Variants in FRMD4B observed in about 807,000 individuals in gnomAD.
FRMD4B encodes the protein FERM domain-containing protein 4B.
Under a neutral mutation model 141.5 loss-of-function variants are expected in FRMD4B, and 74 were observed. The ratio of observed to expected loss-of-function variants is 0.52; its 90% CI spans 0.43 to 0.63. The LOEUF is 0.63. FRMD4B is among the 30% of genes least tolerant of loss of function. The pLI, the probability that FRMD4B is intolerant of heterozygous loss-of-function variation, is 0.00. For missense variants in FRMD4B, 1,366 were observed against 1,253.4 expected (o/e 1.09, Z -1.36); for synonymous variants, 506 against 467.9 (o/e 1.08, Z -1.05).
At chr3:69,392,522 C>G (rs918194051) in intron 2 of FRMD4B, among the ~76,000 whole-genome samples, 1 of 152,110 alleles carries the variant, frequency 6.6e-6, no homozygotes, top group Non-Finnish European at 1.5e-5. Flanking sequence ...GTTGGGGGAC[C>G]AGAAAAGCCC....
At chr3:69,337,119 T>C (rs1322896020) in intron 1 of FRMD4B, among the ~76,000 whole-genome samples, 3 of 151,844 alleles carry the variant, frequency 2.0e-5, no homozygotes, top group Non-Finnish European at 2.9e-5. Flanking sequence ...TATAGACAAA[T>C]GGAACAGAAC....
intron 22 of FRMD4B, among the ~76,000 whole-genome samples, chr3:69,173,403 A>G (rs773584617): frequency 3.9e-5 from 6 of 152,186 alleles, no homozygotes; most frequent in Non-Finnish European, 7.4e-5. Flanking sequence ...TAAATAATAT[A>G]CACTTTATTT....
intron 1 of FRMD4B, among the ~76,000 whole-genome samples, chr3:69,344,534 G>C (rs1451512001): frequency 6.6e-6 from 1 of 152,178 alleles, no homozygotes; most frequent in Non-Finnish European, 1.5e-5. Context: ...CATCAATGTG[G>C]ATTCTGAAGA....
chr3:69,231,499 G>T (rs1288546489), intron 7 of FRMD4B, among the ~76,000 whole-genome samples: 2 of 152,178 alleles, frequency 1.3e-5, no homozygotes, highest in Non-Finnish European at 2.9e-5. Context: ...TGTTGGCCAG[G>T]CTGTTCTCGA....
intron 2 of FRMD4B, among the ~76,000 whole-genome samples, chr3:69,398,675 A>G (rs1704510780): frequency 1.3e-5 from 2 of 152,196 alleles, no homozygotes; most frequent in African/African-American, 4.8e-5. Context: ...TGCACAAGGC[A>G]CCTGGCTAAG....
chr3:69,518,747 A>G (rs1430926774), intron 1 of FRMD4B, among the ~76,000 whole-genome samples: 1 of 152,132 alleles, frequency 6.6e-6, no homozygotes, highest in African/African-American at 2.4e-5. Context: ...GGGAGCTATA[A>G]TGTTTAGGAC....
intron 7 of FRMD4B, among the ~76,000 whole-genome samples, chr3:69,235,813 A>C (rs997995700): frequency 6.6e-6 from 1 of 152,238 alleles, no homozygotes; most frequent in African/African-American, 2.4e-5. Context: ...ATGGATATGA[A>C]AACAGAGTTA....
intron 5 of FRMD4B, among the ~76,000 whole-genome samples, chr3:69,282,068 T>C (rs2107017049): frequency 6.6e-6 from 1 of 152,284 alleles, no homozygotes; most frequent in South Asian, 2.1e-4. Context: ...GGCTGAATTT[T>C]ATAAATCCGT....
At chr3:69,493,927 A>T (rs1421350235) in intron 1 of FRMD4B, among the ~76,000 whole-genome samples, 4 of 152,230 alleles carry the variant, frequency 2.6e-5, no homozygotes, top group African/African-American at 9.6e-5. Flanking sequence ...ACTGGGGTGC[A>T]GTAGTGGGGT....
intron 2 of FRMD4B, among the ~76,000 whole-genome samples, chr3:69,394,126 G>A (rs1250160438): frequency 6.6e-6 from 1 of 152,230 alleles, no homozygotes; most frequent in Non-Finnish European, 1.5e-5. Context: ...CACAGCTCTA[G>A]AGGCTGGGAA....
At position 69,415,489 on chromosome 3, in the gene FRMD4B, A is replaced by G. The variant is rs142170399; in HGVS notation, c.-1+17145T>C. On this transcript the variant is annotated intron_variant, in intron 2 of 5. Coordinates refer to the FRMD4B transcript ENST00000459638. ...TTCCCCCTCTGCCCTCTAACACACT[A>G]CAATATCTGGCTGCATGGCCACTGC... Among the ~76,000 whole-genome samples the G allele has an allele frequency of 1.0e-3, 153 of 151,676 alleles. 1 individual carries two copies. Among genetic ancestry groups the G allele is most frequent in the African/African-American group, 3.5e-3 (145 of 41,330 alleles).
At chr3:69,274,734 G>T (rs2093610336) in intron 5 of FRMD4B, among the ~76,000 whole-genome samples, 1 of 152,086 alleles carries the variant, frequency 6.6e-6, no homozygotes, top group South Asian at 2.1e-4. Flanking sequence ...GGCCAGGCTG[G>T]TCTCGTACTC....
intron 1 of FRMD4B, among the ~76,000 whole-genome samples, chr3:69,328,946 T>C (rs1702269924): frequency 6.6e-6 from 1 of 151,730 alleles, no homozygotes; most frequent in East Asian, 1.9e-4. Context: ...GCCTATGGAG[T>C]GGCCATTCTT....
intron 7 of FRMD4B, among the ~76,000 whole-genome samples, chr3:69,238,011 C>T (rs771841934): frequency 2.0e-5 from 3 of 152,194 alleles, no homozygotes; most frequent in Non-Finnish European, 4.4e-5. Context: ...GGATTACAGG[C>T]GTGAGCCACA....
At chr3:69,536,434 T>A (rs1414431552) in intron 1 of FRMD4B, 5 of 708,736 alleles carry the variant, frequency 7.1e-6, no homozygotes, top group Admixed American at 2.0e-5. Flanking sequence ...GCGGAGGACG[T>A]CCACCGTTGG....
At chr3:69,405,640 G>A (rs1704638336) in intron 2 of FRMD4B, among the ~76,000 whole-genome samples, 1 of 152,208 alleles carries the variant, frequency 6.6e-6, no homozygotes, top group Admixed American at 6.5e-5. Flanking sequence ...TACCTTTGAG[G>A]CAAACATATC....
intron 11 of FRMD4B, among the ~76,000 whole-genome samples, chr3:69,200,125 C>T (rs1349160772): frequency 6.6e-6 from 1 of 152,116 alleles, no homozygotes; most frequent in Non-Finnish European, 1.5e-5. Context: ...TCCTGACATA[C>T]GGGAACCCAG....
At chr3:69,504,132 T>C (rs1559547992) in intron 1 of FRMD4B, among the ~76,000 whole-genome samples, 1 of 152,200 alleles carries the variant, frequency 6.6e-6, no homozygotes, top group Non-Finnish European at 1.5e-5. Context: ...TACACACACA[T>C]ATTTTGCATA....
intron 7 of FRMD4B, among the ~76,000 whole-genome samples, chr3:69,245,480 G>A (rs898244021): frequency 1.3e-5 from 2 of 151,904 alleles, no homozygotes; most frequent in Non-Finnish European, 1.5e-5. Context: ...CTCAGGAGCT[G>A]TTATTACAGA....
Sources: allele counts gnomAD v4.1 joint callset (sites outside exome capture counted in the v4.1 genomes callset), GRCh38; gene constraint gnomAD v4.1.1; transcripts MANE v1.5; gene names NCBI Gene and HGNC (gene_info 2026-07-23, HGNC 2026-07-21).